TLE4: variants seen among roughly 807,000 people sequenced by gnomAD.
TLE4 encodes the protein TLE family member 4, transcriptional corepressor, also known as transducin-like enhancer protein 4.
TLE4 carries 8 observed loss-of-function variants against 92.8 expected under a neutral mutation model. The ratio of observed to expected loss-of-function variants is 0.09; its 90% CI spans 0.05 to 0.16. The LOEUF is 0.16. TLE4 is among the 10% of genes least tolerant of loss of function. The pLI, the probability that TLE4 is intolerant of heterozygous loss-of-function variation, is 1.00. For missense variants in TLE4, 675 were observed against 997.6 expected (o/e 0.68, Z 4.36); for synonymous variants, 371 against 374.1 (o/e 0.99, Z 0.10).
intron 19 of TLE4, 68 bp downstream of exon 19, chr9:79,723,103 T>A: frequency 1.4e-6 from 2 of 1,452,308 alleles, no homozygotes; most frequent in South Asian, 1.2e-5. Context: ...TCTCTCAGAT[T>A]AATAATGTGC....
At chr9:79,577,471 GAAATT>G (rs778308813) in intron 4 of TLE4, among the ~76,000 whole-genome samples, 2 of 152,180 alleles carry the variant, frequency 1.3e-5, no homozygotes, top group South Asian at 2.1e-4. Context: ...ATGGCCTGTT[GAAATT>G]AAATTCTTAT....
intron 3 of TLE4, among the ~76,000 whole-genome samples, chr9:79,575,250 T>C (rs1462321385): frequency 1.3e-5 from 2 of 152,238 alleles, no homozygotes; most frequent in Admixed American, 1.3e-4. Context: ...GTTTTTGTGT[T>C]AGTGGCTTTC....
chr9:79,628,717 T>C (rs1355282018), intron 6 of TLE4, among the ~76,000 whole-genome samples: 1 of 152,156 alleles, frequency 6.6e-6, no homozygotes, highest in Non-Finnish European at 1.5e-5. Flanking sequence ...TGTAGAATCA[T>C]GAATAATGTT....
intron 4 of TLE4, among the ~76,000 whole-genome samples, chr9:79,584,967 TTTACTA>T (rs1185698917): frequency 6.6e-6 from 1 of 152,216 alleles, no homozygotes; most frequent in African/African-American, 2.4e-5. Flanking sequence ...GAATAATTCT[TTTACTA>T]TTAATAGGTC....
intron 4 of TLE4, among the ~76,000 whole-genome samples, chr9:79,583,135 A>G (rs1163324658): frequency 6.6e-6 from 1 of 152,014 alleles, no homozygotes; most frequent in East Asian, 1.9e-4. Flanking sequence ...CATCACCACA[A>G]ATCTATATAC....
intron 8 of TLE4, among the ~76,000 whole-genome samples, chr9:79,701,920 G>A (rs1486232413): frequency 6.6e-6 from 1 of 152,214 alleles, no homozygotes; most frequent in Non-Finnish European, 1.5e-5. Flanking sequence ...TAAATTTGTT[G>A]TGAGTGCTTT....
chr9:79,613,781 T>G lies in TLE4; in HGVS notation c.315+1063T>G, dbSNP rs546339583. 1.1e-3 allele frequency among the ~76,000 whole-genome samples: 165 copies of G among 152,272 alleles called. 4 individuals are homozygous for G. Among genetic ancestry groups the G allele is most frequent in the South Asian group, 3.1e-3 (15 of 4,832 alleles). ...TGAGCCTGCATGTGTATTATAGATA[T>G]GCAGATTGCTGTATATGATTTTTTT... On this transcript the variant is annotated intron_variant, in intron 5 of 19. Coordinates refer to ENST00000376552, the MANE Select transcript of TLE4 (RefSeq NM_007005.6).
chr9:79,711,649 C>T (rs1216613213), intron 14 of TLE4, among the ~76,000 whole-genome samples: 1 of 152,186 alleles, frequency 6.6e-6, no homozygotes, highest in African/African-American at 2.4e-5. Context: ...TTTAAGGAAA[C>T]ACCTTGGCTA....
At chr9:79,688,578 ATTTC>A (rs973153612) in intron 8 of TLE4, among the ~76,000 whole-genome samples, 1 of 151,866 alleles carries the variant, frequency 6.6e-6, no homozygotes, top group Non-Finnish European at 1.5e-5. Flanking sequence ...TTAAGAAATT[ATTTC>A]TTTATTACTG....
intron 5 of TLE4, among the ~76,000 whole-genome samples, chr9:79,613,920 CTT>C (rs2048932400): frequency 6.6e-6 from 1 of 152,094 alleles, no homozygotes; most frequent in Admixed American, 6.6e-5. Context: ...TTCACATGCT[CTT>C]TTGGGTCTTG....
At chr9:79,584,882 T>C (rs2040665719) in intron 4 of TLE4, among the ~76,000 whole-genome samples, 1 of 152,200 alleles carries the variant, frequency 6.6e-6, no homozygotes, top group African/African-American at 2.4e-5. Context: ...TTTTTAAAGA[T>C]GAAAACATGA....
intron 4 of TLE4, among the ~76,000 whole-genome samples, chr9:79,591,572 G>A (rs1367874305): frequency 6.6e-6 from 1 of 152,206 alleles, no homozygotes; most frequent in Non-Finnish European, 1.5e-5. Context: ...CATGAGGCCT[G>A]AGAACAAATG....
intron 9 of TLE4, 58 bp from the exon 10 acceptor site, chr9:79,705,831 G>A: frequency 2.6e-6 from 4 of 1,546,206 alleles, no homozygotes; most frequent in Non-Finnish European, 3.6e-6. Context: ...ACTTACTTAG[G>A]GTAAATGTGG....
intron 8 of TLE4, among the ~76,000 whole-genome samples, chr9:79,662,859 C>A (rs2060750230): frequency 6.6e-6 from 1 of 152,190 alleles, no homozygotes. Flanking sequence ...TCCTGTGAAT[C>A]TGAATGTAAG....
intron 6 of TLE4, among the ~76,000 whole-genome samples, chr9:79,636,444 T>C (rs4436200): frequency 0.2 from 30,328 of 152,044 alleles, 4,514 homozygotes; most frequent in African/African-American, 0.42. Flanking sequence ...ACATACCACT[T>C]ATGTTCTTCA....
intron 15 of TLE4, 54 bp downstream of exon 15, chr9:79,719,025 G>A (rs1297472519): frequency 4.5e-6 from 7 of 1,563,428 alleles, no homozygotes; most frequent in Non-Finnish European, 3.5e-6. Flanking sequence ...AACAGGAGGG[G>A]CTGATGAGAG....
chr9:79,678,618 C>CTTT (rs55743621), intron 8 of TLE4, among the ~76,000 whole-genome samples: 1 of 148,640 alleles, frequency 6.7e-6, no homozygotes, highest in Non-Finnish European at 1.5e-5. Flanking sequence ...TATTGTTTTT[C>CTTT]TTTTTTTTTT....
chr9:79,722,337 A>G (rs774970718), intron 17 of TLE4, 114 bp from the exon 18 acceptor site: 2 of 1,300,746 alleles, frequency 1.5e-6, no homozygotes, highest in Non-Finnish European at 2.1e-6. Context: ...TACAATTCAA[A>G]TTATCTTGAT....
rs550680558 is a variant in TLE4, at chr9:79,709,675, T to C, written c.1316T>C (p.Leu439Pro). The change falls in exon 14 of 20, where the codon CTG becomes CCG. Residue 439 changes from leucine (L) to proline (P), a missense_variant. Physicochemically the swap from Leu to Pro is moderately conservative, Grantham distance 98. Around this residue, in one of 5 missense-constraint regions of TLE4, gnomAD observed 119 missense variants for 175.9 expected, o/e 0.68. Transcript: ENST00000376552. Reference sequence around the variant, plus strand: ...CGTGTGCCAGCAATACCTCCAAACCTGACAGGCATTCCAGGAGGAAAACCG... The same window carrying C: ...CGTGTGCCAGCAATACCTCCAAACCCGACAGGCATTCCAGGAGGAAAACCG... ...HMRVPAIPPN[L>P]TGIPGGKPAY... The C allele has an allele frequency of 1.4e-5, 22 of 1,614,102 alleles. No homozygotes were observed. The South Asian group carries it at 2.1e-4, about 15-fold the overall frequency.
Sources: gnomAD v4.1 joint callset for allele counts (sites outside exome capture counted in the v4.1 genomes callset) on GRCh38, gnomAD v4.1.1 for gene constraint, gnomAD v4.1.1 regional missense constraint, MANE v1.5 for transcripts, NCBI Gene and HGNC (gene_info 2026-07-23, HGNC 2026-07-21) for gene names.